ITFG1: variants seen among roughly 807,000 people sequenced by gnomAD.
ITFG1 encodes the protein T-cell immunomodulatory protein.
ITFG1 carries 34 observed loss-of-function variants against 81.8 expected under a neutral mutation model. That is an observed-to-expected ratio of 0.42 (90% CI 0.32 to 0.55). The LOEUF (loss-of-function observed/expected upper bound fraction) is 0.55. Among genes scored for constraint, ITFG1 ranks in the 20% least tolerant of loss-of-function variants. The pLI is 0.17. For missense variants in ITFG1, 672 were observed against 755.4 expected, an observed-to-expected ratio of 0.89 and a Z score of 1.29; for synonymous variants, 285 against 270.6, an observed-to-expected ratio of 1.05 and a Z score of -0.52.
rs544712967 is a variant in ITFG1 at position 47,350,458 on chromosome 16, C to A, written c.802+15330G>T. On this transcript the variant is annotated intron_variant, in intron 8 of 17. Coordinates refer to ENST00000320640, the MANE Select transcript of ITFG1 (RefSeq NM_030790.5). ...CACCTCTACACAAATAAACTAGAAA[C>A]TCTAGTAGAAATGGATAAATTCCTT... Among the ~76,000 whole-genome samples, 10 of 152,244 alleles carry A rather than the reference C, an allele frequency of 6.6e-5. No individual in the cohort carries two copies. In the South Asian group the frequency reaches 1.5e-3, roughly 22 times the overall value.
intron 8 of ITFG1, among the ~76,000 whole-genome samples, chr16:47,343,741 G>A (rs1055560849): frequency 2.6e-5 from 4 of 152,074 alleles, no homozygotes; most frequent in Admixed American, 6.6e-5. Flanking sequence ...GAACCCTTCC[G>A]CACTGCTGGT....
intron 10 of ITFG1, chr16:47,262,746 G>C (rs1966225749): frequency 1.3e-5 from 2 of 152,304 alleles, no homozygotes; most frequent in South Asian, 2.1e-4. Context: ...CTATGAACCA[G>C]TGCAGGTTTT....
intron 12 of ITFG1, among the ~76,000 whole-genome samples, chr16:47,250,191 A>AT (rs1393333157): frequency 2.0e-5 from 3 of 152,102 alleles, no homozygotes. Context: ...TCTATGGAAG[A>AT]TTTTTTGGTC....
intron 14 of ITFG1, among the ~76,000 whole-genome samples, chr16:47,179,009 A>C (rs992614775): frequency 6.6e-6 from 1 of 152,184 alleles, no homozygotes; most frequent in Non-Finnish European, 1.5e-5. Flanking sequence ...GAGAAATGCA[A>C]ATCAAAACCA....
chr16:47,355,397 G>A (rs1968024747), intron 8 of ITFG1, among the ~76,000 whole-genome samples: 1 of 152,148 alleles, frequency 6.6e-6, no homozygotes, highest in Non-Finnish European at 1.5e-5. Context: ...AGAGGATATG[G>A]AGAGAGCTTG....
At chr16:47,420,045 G>A (rs1305507424) in intron 6 of ITFG1, among the ~76,000 whole-genome samples, 1 of 151,070 alleles carries the variant, frequency 6.6e-6, no homozygotes, top group Non-Finnish European at 1.5e-5. Context: ...CAATCCCAAA[G>A]TGCTGAGATT....
Position 47,324,007 on chromosome 16 carries a change from T to C in ITFG1, c.803-10184A>G, listed in dbSNP as rs897611590. On this transcript the variant is annotated intron_variant, in intron 8 of 17. Coordinates refer to ENST00000320640, the MANE Select transcript of ITFG1 (RefSeq NM_030790.5). Reference sequence around the variant, plus strand: ...GAAATTATAATCATTTTAGCTTTTCTTACCAAAAATAAATATGTGTATATT... The same window carrying C: ...GAAATTATAATCATTTTAGCTTTTCCTACCAAAAATAAATATGTGTATATT... 1.6e-4 allele frequency among the ~76,000 whole-genome samples: 24 copies of C among 152,314 alleles called. No homozygotes were observed. In the Middle Eastern group the frequency reaches 0.014, roughly 86 times the overall value.
At chr16:47,219,128 TAAAC>T (rs1019110024) in intron 13 of ITFG1, among the ~76,000 whole-genome samples, 182 bp from the exon 14 acceptor site, 11 of 152,152 alleles carry the variant, frequency 7.2e-5, no homozygotes, top group Non-Finnish European at 1.0e-4. Flanking sequence ...TAAAAAATAA[TAAAC>T]AAACAAAAAG....
chr16:47,405,554 T>C (rs1968718008), intron 6 of ITFG1, among the ~76,000 whole-genome samples: 1 of 152,198 alleles, frequency 6.6e-6, no homozygotes, highest in African/African-American at 2.4e-5. Context: ...TTATTTTATA[T>C]CAAATGAAAG....
chr16:47,421,310 ATATT>A (rs1413914230), intron 6 of ITFG1, among the ~76,000 whole-genome samples: 1 of 150,096 alleles, frequency 6.7e-6, no homozygotes, highest in Non-Finnish European at 1.5e-5. Flanking sequence ...ACACACATAC[ATATT>A]TTTTTTTTCT....
chr16:47,325,631 A>T (rs1226467848), intron 8 of ITFG1, among the ~76,000 whole-genome samples: 1 of 152,200 alleles, frequency 6.6e-6, no homozygotes, highest in African/African-American at 2.4e-5. Context: ...ATAAAAAATG[A>T]TAAAGGGGAT....
At chr16:47,306,874 C>T (rs1307772203) in intron 10 of ITFG1, among the ~76,000 whole-genome samples, 1 of 151,672 alleles carries the variant, frequency 6.6e-6, no homozygotes, top group Admixed American at 6.6e-5. Context: ...GCGGGTGGAT[C>T]ACAAGGTCAG....
intron 14 of ITFG1, among the ~76,000 whole-genome samples, chr16:47,204,623 TTAAAAG>T (rs1450479226): frequency 6.6e-6 from 1 of 151,864 alleles, no homozygotes; most frequent in East Asian, 1.9e-4. Context: ...CCAGGTGGTA[TTAAAAG>T]TAAAATAAGG....
chr16:47,268,847 C>CT (rs1966306641), intron 10 of ITFG1, among the ~76,000 whole-genome samples: 1 of 152,108 alleles, frequency 6.6e-6, no homozygotes, highest in African/African-American at 2.4e-5. Flanking sequence ...TGCAAAGTTC[C>CT]TTTAATATTC....
intron 6 of ITFG1, among the ~76,000 whole-genome samples, chr16:47,377,369 G>A (rs375842225): frequency 3.3e-5 from 5 of 152,104 alleles, no homozygotes; most frequent in Admixed American, 2.6e-4. Flanking sequence ...TCCCAATGAC[G>A]TGTTACTTCC....
chr16:47,293,442 T>C (rs1321218397), intron 10 of ITFG1, among the ~76,000 whole-genome samples: 2 of 152,008 alleles, frequency 1.3e-5, no homozygotes, highest in Non-Finnish European at 2.9e-5. Flanking sequence ...CTGATTTCTA[T>C]ACAGGTGTAC....
chr16:47,307,411 T>C (rs1221836120), intron 10 of ITFG1, among the ~76,000 whole-genome samples: 1 of 151,900 alleles, frequency 6.6e-6, no homozygotes, highest in Non-Finnish European at 1.5e-5. Context: ...ATTAGTGGAG[T>C]TCTTTTTCCA....
intron 6 of ITFG1, among the ~76,000 whole-genome samples, chr16:47,414,146 C>T (rs969923982): frequency 6.6e-6 from 1 of 152,028 alleles, no homozygotes; most frequent in African/African-American, 2.4e-5. Flanking sequence ...AAAGGTTTAA[C>T]AGAGCAATGC....
intron 6 of ITFG1, among the ~76,000 whole-genome samples, chr16:47,404,714 A>AT (rs1306047267): frequency 2.0e-5 from 3 of 151,616 alleles, no homozygotes; most frequent in East Asian, 1.9e-4. Context: ...CTTTTCTGAA[A>AT]TTTTTTTTTG....
Sources: gnomAD v4.1 joint callset for allele counts (sites outside exome capture counted in the v4.1 genomes callset) on GRCh38, gnomAD v4.1.1 for gene constraint, MANE v1.5 for transcripts, NCBI Gene and HGNC (gene_info 2026-07-23, HGNC 2026-07-21) for gene names.